The following TCF7L2 variants were observed in gnomAD, a reference collection of about 807,000 sequenced individuals.
The protein encoded by TCF7L2 is transcription factor 7 like 2.
Under a neutral mutation model 77.9 loss-of-function variants are expected in TCF7L2, and 23 were observed. That is an observed-to-expected ratio of 0.30 (90% confidence interval 0.21 to 0.42). The LOEUF is 0.42. TCF7L2 is among the 10% of genes least tolerant of loss of function. The pLI is 1.00. For missense variants in TCF7L2, 654 were observed against 793.1 expected (o/e 0.82, Z 2.11); for synonymous variants, 413 against 340.2 (o/e 1.21, Z -2.36).
chr10:113,161,307 T>G, intron 13 of TCF7L2: 1 of 502,826 alleles, frequency 2.0e-6, no homozygotes, highest in Non-Finnish European at 3.6e-6. Flanking sequence ...AGTCATGCAG[T>G]CTCAGACTGC....
intron 4 of TCF7L2, among the ~76,000 whole-genome samples, chr10:112,983,051 T>C (rs959981616): frequency 2.0e-5 from 3 of 152,160 alleles, no homozygotes; most frequent in South Asian, 2.1e-4. Flanking sequence ...TAGCTTCTGA[T>C]GGGCATGAAA....
At chr10:113,012,131 C>G (rs1363094550) in intron 4 of TCF7L2, among the ~76,000 whole-genome samples, 1 of 152,172 alleles carries the variant, frequency 6.6e-6, no homozygotes, top group South Asian at 2.1e-4. Context: ...ATCAGAATCA[C>G]TTGGGAAACC....
intron 3 of TCF7L2, among the ~76,000 whole-genome samples, chr10:112,959,676 C>T (rs529123108): frequency 4.7e-4 from 71 of 152,076 alleles, no homozygotes; most frequent in Non-Finnish European, 7.6e-4. Flanking sequence ...TCAGAGGCCC[C>T]CCTTGGTACT....
At chr10:112,967,476 T>G (rs2037219304) in intron 4 of TCF7L2, among the ~76,000 whole-genome samples, 1 of 152,176 alleles carries the variant, frequency 6.6e-6, no homozygotes, top group Non-Finnish European at 1.5e-5. Flanking sequence ...CGTCACTTTC[T>G]TATAAAAGGT....
At chr10:113,107,681 T>C (rs1236286305) in intron 5 of TCF7L2, among the ~76,000 whole-genome samples, 2 of 140,578 alleles carry the variant, frequency 1.4e-5, no homozygotes, top group Non-Finnish European at 3.0e-5. Context: ...AGGCGGAGCT[T>C]ACAGCGAGCT....
intron 5 of TCF7L2, among the ~76,000 whole-genome samples, chr10:113,137,445 C>T (rs550226098): frequency 3.7e-4 from 56 of 152,312 alleles, no homozygotes; most frequent in African/African-American, 1.3e-3. Flanking sequence ...GATTCTCATC[C>T]AGAGTTGACA....
chr10:113,130,021 G>A (rs2066313518), intron 5 of TCF7L2: 2 of 1,221,936 alleles, frequency 1.6e-6, no homozygotes, highest in South Asian at 1.4e-5. Context: ...GTGTATGGGG[G>A]GATGTGTGTA....
chr10:113,003,127 T>C (rs1010693682), intron 4 of TCF7L2, among the ~76,000 whole-genome samples: 3 of 152,240 alleles, frequency 2.0e-5, no homozygotes, highest in African/African-American at 7.2e-5. Flanking sequence ...ATGTCTCCAT[T>C]GTATAACATA....
chr10:113,094,983 G>C (rs150779742), intron 5 of TCF7L2, among the ~76,000 whole-genome samples: 9 of 152,156 alleles, frequency 5.9e-5, no homozygotes, highest in Admixed American at 3.3e-4. Context: ...AGCTGGGTAC[G>C]TGGTCCCAGC....
chr10:113,133,881 C>T (rs1564940461), intron 5 of TCF7L2, among the ~76,000 whole-genome samples: 1 of 152,192 alleles, frequency 6.6e-6, no homozygotes, highest in Non-Finnish European at 1.5e-5. Flanking sequence ...ATTGGAGACG[C>T]TCTAACTCTG....
At chr10:113,165,404 G>C (rs1176153610) in intron 13 of TCF7L2, 151 bp from the exon 15 acceptor site, 11 of 816,898 alleles carry the variant, frequency 1.3e-5, no homozygotes, top group Non-Finnish European at 2.2e-5. Context: ...CACCCTGGGG[G>C]GGCGCCACTG....
At chr10:113,073,244 T>C (rs925262723) in intron 5 of TCF7L2, among the ~76,000 whole-genome samples, 1 of 151,746 alleles carries the variant, frequency 6.6e-6, no homozygotes, top group Non-Finnish European at 1.5e-5. Context: ...CTTTCCAGTC[T>C]ACAACTCGTT....
chr10:113,150,674 A>G (rs2070561251), intron 8 of TCF7L2, among the ~76,000 whole-genome samples: 2 of 152,226 alleles, frequency 1.3e-5, no homozygotes, highest in African/African-American at 4.8e-5. Context: ...TAATGCCTCA[A>G]AAAACAAGTG....
At chr10:112,965,875 A>T (rs889017652) in intron 4 of TCF7L2, among the ~76,000 whole-genome samples, 2 of 152,054 alleles carry the variant, frequency 1.3e-5, no homozygotes, top group East Asian at 3.9e-4. Context: ...ACAGCAACTT[A>T]TTTTAAAAAT....
chr10:113,153,036 C>G (rs115418012), intron 11 of TCF7L2, among the ~76,000 whole-genome samples: 1 of 152,308 alleles, frequency 6.6e-6, no homozygotes, highest in East Asian at 1.9e-4. Context: ...ATGCATGAAC[C>G]GACTCTGGCC....
chr10:112,951,450 C>T (rs1255192327), intron 2 of TCF7L2, 33 bp from the exon 3 acceptor site: 4 of 1,385,862 alleles, frequency 2.9e-6, no homozygotes, highest in Non-Finnish European at 2.9e-6. Flanking sequence ...TCCGCGCGGC[C>T]GCCGCTGTCC....
chr10:113,059,777 GA>G (rs1367573643), intron 5 of TCF7L2, among the ~76,000 whole-genome samples: 1 of 151,962 alleles, frequency 6.6e-6, no homozygotes, highest in Non-Finnish European at 1.5e-5. Context: ...GAGAAGGGGA[GA>G]AAAAAGACAG....
At chr10:113,036,630 T>C (rs1186713266) in intron 4 of TCF7L2, among the ~76,000 whole-genome samples, 1 of 152,102 alleles carries the variant, frequency 6.6e-6, no homozygotes, top group East Asian at 1.9e-4. Flanking sequence ...AACATTATTA[T>C]TCAACAAAGG....
intron 4 of TCF7L2, among the ~76,000 whole-genome samples, chr10:113,029,775 C>A (rs1015173837): frequency 6.6e-6 from 1 of 152,020 alleles, no homozygotes; most frequent in Non-Finnish European, 1.5e-5. Flanking sequence ...GTGATCCAAC[C>A]GCCTCGGCCT....
Sources: allele counts gnomAD v4.1 joint callset (sites outside exome capture counted in the v4.1 genomes callset), GRCh38; gene constraint gnomAD v4.1.1; transcripts MANE v1.5; gene names NCBI Gene and HGNC (gene_info 2026-07-23, HGNC 2026-07-21).